NCOA3: variants seen among roughly 807,000 people sequenced by gnomAD.
NCOA3 encodes CBP-interacting protein.
NCOA3 carries 51 observed loss-of-function variants against 158.8 expected under a neutral mutation model. That is an observed-to-expected ratio of 0.32 (90% CI 0.26 to 0.41). The LOEUF is 0.41. Among genes scored for constraint, NCOA3 ranks in the 10% least tolerant of loss-of-function variants. The pLI is 1.00. For missense variants in NCOA3, 1,510 were observed against 1,746.6 expected (o/e 0.86, Z 2.41); for synonymous variants, 537 against 592.4 (o/e 0.91, Z 1.36).
chr20:47,608,332 A>G (rs1469852943), intron 2 of NCOA3, among the ~76,000 whole-genome samples: 3 of 151,576 alleles, frequency 2.0e-5, no homozygotes, highest in African/African-American at 7.3e-5. Context: ...ACAAAACAAA[A>G]CAAATAAACC....
chr20:47,532,343 A>T (rs1602357609), intron 1 of NCOA3, among the ~76,000 whole-genome samples: 1 of 152,248 alleles, frequency 6.6e-6, no homozygotes, highest in South Asian at 2.1e-4. Flanking sequence ...CAAGGTGACC[A>T]GTGTTTTGGA....
At chr20:47,561,159 G>A (rs944317810) in intron 1 of NCOA3, among the ~76,000 whole-genome samples, 2 of 151,372 alleles carry the variant, frequency 1.3e-5, no homozygotes, top group African/African-American at 4.9e-5. Context: ...ATTTTTTGTA[G>A]AGACAGGGTT....
chr20:47,593,368 A>C (rs186876198), intron 2 of NCOA3, among the ~76,000 whole-genome samples: 1 of 85,690 alleles, frequency 1.2e-5, no homozygotes, highest in East Asian at 3.3e-4. Context: ...TTTTTGAGAC[A>C]GTCTCGCTCT....
intron 2 of NCOA3, among the ~76,000 whole-genome samples, chr20:47,604,988 C>G (rs1255478873): frequency 6.6e-6 from 1 of 152,170 alleles, no homozygotes; most frequent in African/African-American, 2.4e-5. Flanking sequence ...TGCCCTCAGC[C>G]TCCTGAGTAG....
intron 1 of NCOA3, among the ~76,000 whole-genome samples, chr20:47,505,878 T>C (rs2084025121): frequency 6.8e-6 from 1 of 147,232 alleles, no homozygotes; most frequent in African/African-American, 2.5e-5. Flanking sequence ...CTCGGCTCAC[T>C]GCAACCTCTG....
In NCOA3 at chr20:47,651,099, C is replaced by T. The variant is rs2146348239; in HGVS notation, c.3769C>T (p.Gln1257Ter). ...GCAGCAGCAGCAGCAGCAACAGCAG[C>T]AGCAGCAGCAGCAGCAGCAGCAACA... Reference protein sequence around the residue: ...MQQQQQQQQQQQQQQQQQQQQ... With the variant: ...MQQQQQQQQQ The change falls in exon 20 of 23, where the codon CAG becomes TAG. Residue 1257 changes from glutamine (Q) to a stop codon, truncating the protein, a stop_gained. Coordinates refer to ENST00000371998, the MANE Select transcript of NCOA3 (RefSeq NM_181659.3). LOFTEE classifies it high-confidence loss of function. The T allele has an allele frequency of 6.2e-7, 1 of 1,600,712 alleles. No homozygotes were observed. The highest frequency in any genetic ancestry group is 8.5e-7 in the Non-Finnish European group (1 of 1,172,142).
intron 1 of NCOA3, among the ~76,000 whole-genome samples, chr20:47,537,443 G>C (rs1252673627): frequency 6.6e-6 from 1 of 151,292 alleles, no homozygotes; most frequent in Admixed American, 6.6e-5. Context: ...GCGGGGGTGG[G>C]GGGGGGAAGT....
chr20:47,605,008 C>T (rs1205428146), intron 2 of NCOA3, among the ~76,000 whole-genome samples: 2 of 152,172 alleles, frequency 1.3e-5, no homozygotes, highest in Admixed American at 1.3e-4. Context: ...GCTGGGACTA[C>T]AGGCGCATGC....
chr20:47,620,087 C>G (rs1242029691), intron 2 of NCOA3, among the ~76,000 whole-genome samples: 1 of 116,392 alleles, frequency 8.6e-6, no homozygotes, highest in African/African-American at 3.6e-5. Flanking sequence ...AGCCACTGCA[C>G]CTGGCTCTTT....
chr20:47,654,722 T>C lies in NCOA3; in HGVS notation c.*1305T>C, dbSNP rs2086846261. The C allele has an allele frequency of 6.6e-6, 1 of 152,328 alleles. No individual in the cohort carries two copies. Among genetic ancestry groups the C allele is most frequent in the Non-Finnish European group, 1.5e-5 (1 of 68,018 alleles). 9.4% of individuals were successfully genotyped at this position (152,328 alleles called of 1,614,324 possible). Reference sequence around the variant, plus strand: ...CCTCTACCAGAACTAAGCACTTTGTTAATTTGGGGGGAAAGAATAGATATG... The same window carrying C: ...CCTCTACCAGAACTAAGCACTTTGTCAATTTGGGGGGAAAGAATAGATATG... On this transcript the variant is annotated 3_prime_UTR_variant, in exon 23 of 23. Coordinates refer to ENST00000371998, the MANE Select transcript of NCOA3 (RefSeq NM_181659.3).
Position 47,635,552 on chromosome 20 carries a change from T to C in NCOA3, c.1343T>C (p.Met448Thr), listed in dbSNP as rs1266846597. Residue 448 changes from methionine (M) to threonine (T), a missense_variant, in exon 11 of 23, where the codon ATG becomes ACG. Transcript: ENST00000371998. ...NIASLTPGPG[M>T]QSPSSYQNNN... ...GCTTCATTGACCCCTGGGCCAGGCA[T>C]GCAATCACCATCTTCCTACCAGAAC... 4 of 1,614,010 alleles carry C rather than the reference T, an allele frequency of 2.5e-6. No individual in the cohort carries two copies. Among genetic ancestry groups the C allele is most frequent in the Non-Finnish European group, 3.4e-6 (4 of 1,180,040 alleles).
chr20:47,584,212 T>C (rs921093230), intron 2 of NCOA3, among the ~76,000 whole-genome samples: 6 of 152,120 alleles, frequency 3.9e-5, no homozygotes, highest in Non-Finnish European at 8.8e-5. Context: ...GGGAGATTGC[T>C]TGATCTCAGG....
At chr20:47,587,341 C>G (rs551747788) in intron 2 of NCOA3, among the ~76,000 whole-genome samples, 3 of 152,226 alleles carry the variant, frequency 2.0e-5, no homozygotes, top group African/African-American at 7.2e-5. Context: ...CAAGATCTCT[C>G]TGAGTGCTAG....
intron 16 of NCOA3, 145 bp downstream of exon 16, chr20:47,640,196 C>T (rs2086581139): frequency 2.8e-6 from 3 of 1,083,890 alleles, no homozygotes; most frequent in Non-Finnish European, 4.0e-6. Context: ...TCTCGTGTAA[C>T]TCTGTGTAAA....
Position 47,628,019 on chromosome 20 carries a change from T to G in NCOA3, c.819T>G (p.Leu273=). The change falls in exon 8 of 23, where the codon CTT becomes CTG. Residue 273 remains leucine, a synonymous_variant. Transcript: ENST00000371998. Reference sequence around the variant, plus strand: ...AGAGCTTTATTACCAGACATGATCTTTCAGGTAAAAACTCTTTTTTTGTCT... The same window carrying G: ...AGAGCTTTATTACCAGACATGATCTGTCAGGTAAAAACTCTTTTTTTGTCT... ...NPESFITRHD[L]SGKVVNIDTN... 6.2e-7 allele frequency: 1 copy of G among 1,611,798 alleles called. No individual in the cohort carries two copies. Among genetic ancestry groups the G allele is most frequent in the Non-Finnish European group, 8.5e-7 (1 of 1,177,940 alleles).
chr20:47,610,445 G>A (rs997687481), intron 2 of NCOA3, among the ~76,000 whole-genome samples: 7 of 152,092 alleles, frequency 4.6e-5, no homozygotes, highest in Admixed American at 1.3e-4. Flanking sequence ...GTCTCAAACT[G>A]CTGGGCTCAA....
intron 1 of NCOA3, among the ~76,000 whole-genome samples, chr20:47,571,722 CTT>C (rs567317216): frequency 6.6e-6 from 1 of 150,754 alleles, no homozygotes; most frequent in African/African-American, 2.4e-5. Flanking sequence ...TTCTTTTTTT[CTT>C]TTTTTTTGAG....
rs559252459 is a variant in NCOA3, at chr20:47,651,128, A to G, written c.3798A>G (p.Gln1266=). 7.7e-5 allele frequency: 124 copies of G among 1,604,066 alleles called. 1 individual carries two copies. In the East Asian group the frequency reaches 1.2e-3, roughly 15 times the overall value. ...QQQQQQQQQQ[Q]QQQQQQQQQQ... ...AGCAGCAGCAGCAGCAGCAACAGCA[A>G]CAGCAACAGCAACAGCAGCAACAGC... is the stretch of plus-strand genomic sequence containing the variant. The change falls in exon 20 of 23, where the codon CAA becomes CAG. Residue 1266 remains glutamine, a synonymous_variant. Transcript: ENST00000371998.
chr20:47,581,730 G>A (rs1411607251), intron 1 of NCOA3, among the ~76,000 whole-genome samples: 1 of 152,142 alleles, frequency 6.6e-6, no homozygotes, highest in Admixed American at 6.5e-5. Flanking sequence ...TGTTCTTACT[G>A]GTTCACTTAT....
Sources: gnomAD v4.1 joint callset for allele counts (sites outside exome capture counted in the v4.1 genomes callset) on GRCh38, gnomAD v4.1.1 for gene constraint, MANE v1.5 for transcripts, NCBI Gene and HGNC (gene_info 2026-07-23, HGNC 2026-07-21) for gene names.